GOLGB1: variants seen among roughly 807,000 people sequenced by gnomAD.
GOLGB1 encodes golgin subfamily B member 1.
In GOLGB1, 174 loss-of-function variants were observed where a neutral mutation model predicts 336.9. The observed-to-expected ratio is 0.52, with a 90% CI of 0.46 to 0.59. GOLGB1 has a LOEUF of 0.59. Among genes scored for constraint, GOLGB1 ranks in the 20% least tolerant of loss-of-function variants. The pLI is 0.00. For missense variants in GOLGB1, 3,331 were observed against 3,645.3 expected, an observed-to-expected ratio of 0.91 and a Z score of 2.22; for synonymous variants, 1,208 against 1,289.2, an observed-to-expected ratio of 0.94 and a Z score of 1.35.
At chr3:121,683,387 T>C (rs555036290) in intron 14 of GOLGB1, among the ~76,000 whole-genome samples, 2 of 152,280 alleles carry the variant, frequency 1.3e-5, no homozygotes, top group South Asian at 4.1e-4. Flanking sequence ...GCTTGAAGTC[T>C]TTCCCCTACT....
chr3:121,714,523 A>T (rs936179391), intron 10 of GOLGB1, among the ~76,000 whole-genome samples: 2 of 151,772 alleles, frequency 1.3e-5, no homozygotes, highest in African/African-American at 4.8e-5. Context: ...ATCTTAGTTT[A>T]CCAAAAAAAA....
intron 14 of GOLGB1, among the ~76,000 whole-genome samples, chr3:121,682,602 A>G (rs532292133): frequency 2.6e-5 from 4 of 152,212 alleles, no homozygotes; most frequent in Non-Finnish European, 5.9e-5. Context: ...CATTTCAGAT[A>G]TATTTTCAAC....
chr3:121,665,075 G>T, intron 20 of GOLGB1, 44 bp from the exon 21 acceptor site: 1 of 1,082,422 alleles, frequency 9.2e-7, no homozygotes. Context: ...TTCATAGCAT[G>T]AGAGGCTGAT....
intron 17 of GOLGB1, among the ~76,000 whole-genome samples, chr3:121,671,879 C>T (rs948023974): frequency 1.6e-4 from 24 of 151,430 alleles, no homozygotes; most frequent in Admixed American, 7.2e-4. Context: ...TGCTCCCACA[C>T]GAGTGAGAAT....
At chr3:121,728,308 A>G (rs1945825111) in intron 4 of GOLGB1, among the ~76,000 whole-genome samples, 1 of 152,230 alleles carries the variant, frequency 6.6e-6, no homozygotes. Context: ...TAGCGATCCC[A>G]AAGGTTGTGC....
At chr3:121,708,537 G>A (rs1944082050) in intron 10 of GOLGB1, among the ~76,000 whole-genome samples, 1 of 152,126 alleles carries the variant, frequency 6.6e-6, no homozygotes, top group Non-Finnish European at 1.5e-5. Context: ...GGAGGCTGAG[G>A]TGAGAGGATT....
chr3:121,727,303 TATATATATATATATA>T (rs1560307442), intron 4 of GOLGB1, among the ~76,000 whole-genome samples: 10 of 29,856 alleles, frequency 3.3e-4, no homozygotes, highest in Non-Finnish European at 7.3e-4. Flanking sequence ...CATATATATA[TATATATATATATATA>T]TATTTTTTTT....
intron 14 of GOLGB1, among the ~76,000 whole-genome samples, chr3:121,686,918 G>A (rs941082038): frequency 7.2e-5 from 11 of 152,146 alleles, no homozygotes; most frequent in African/African-American, 2.7e-4. Flanking sequence ...AGATCAGTTT[G>A]GTGTGAATGA....
chr3:121,717,834 AT>A (rs1327044745), intron 8 of GOLGB1, among the ~76,000 whole-genome samples: 1 of 152,152 alleles, frequency 6.6e-6, no homozygotes, highest in Non-Finnish European at 1.5e-5. Context: ...TTAGTTTTCC[AT>A]TTTTTTCAGA....
intron 14 of GOLGB1, among the ~76,000 whole-genome samples, chr3:121,684,297 T>TAAA (rs1941489563): frequency 7.5e-6 from 1 of 134,162 alleles, no homozygotes. Context: ...AAGGGAAAAG[T>TAAA]TAAGAAAATT....
rs755785398 is a variant in GOLGB1 at position 121,696,023 on chromosome 3, T to C, written c.4500A>G (p.Ala1500=). Residue 1500 remains alanine (A), a synonymous_variant, in exon 13 of 22, where the codon GCA becomes GCG. Transcript: ENST00000614479. ...CTTGGAGACTTTTGTTTTCTTTTAG[T>C]GCTTCTTTTCGGGAAATAAGGGCAG... The part of the protein sequence containing the change: ...LQAALISRKE[A]LKENKSLQEE... 1.9e-6 allele frequency: 3 copies of C among 1,614,062 alleles called. No homozygotes were observed. The highest frequency in any genetic ancestry group is 1.3e-5 in the African/African-American group (1 of 74,936).
chr3:121,733,276 T>C (rs1946245597), intron 1 of GOLGB1, among the ~76,000 whole-genome samples: 1 of 137,092 alleles, frequency 7.3e-6, no homozygotes, highest in Non-Finnish European at 1.6e-5. Flanking sequence ...TGAGCCTAGA[T>C]TGCTCCGTCT....
At chr3:121,688,323 T>C (rs945056030) in intron 14 of GOLGB1, among the ~76,000 whole-genome samples, 10 of 152,316 alleles carry the variant, frequency 6.6e-5, no homozygotes, top group East Asian at 1.9e-4. Context: ...GTGCCTGCGA[T>C]TGCAGGCGCG....
chr3:121,685,413 T>C (rs1032474631), intron 14 of GOLGB1, among the ~76,000 whole-genome samples: 4 of 152,048 alleles, frequency 2.6e-5, no homozygotes, highest in African/African-American at 9.7e-5. Flanking sequence ...CGTGCACCTG[T>C]AGTCCCAGCT....
Position 121,677,324 on chromosome 3 carries a change from G to A in GOLGB1, c.9000C>T (p.Ser3000=). The part of the protein sequence containing the change: ...QNLIRELRSS[S]SQTQPLKVQY... ...GCACTTTGAGAGGCTGAGTCTGGGA[G>A]GAAGAAGACCTCAATTCCCTTATAA... The change falls in exon 16 of 22, where the codon TCC becomes TCT. Residue 3000 remains serine (S), a synonymous_variant. Transcript: ENST00000614479. 1 of 1,611,678 alleles carries A rather than the reference G, an allele frequency of 6.2e-7. No individual in the cohort carries two copies.
At chr3:121,677,064 C>T in intron 16 of GOLGB1, 34 bp from the exon 17 acceptor site, 1 of 1,613,074 alleles carries the variant, frequency 6.2e-7, no homozygotes, top group Non-Finnish European at 8.5e-7. Context: ...AGATTCTCTC[C>T]TAAGATTGCG....
Position 121,693,946 on chromosome 3 carries a change from C to T in GOLGB1, c.6577G>A (p.Ala2193Thr), listed in dbSNP as rs760472957. ...GAAGACATGCTCTTAGTAAAGGCTG[C>T]AAGCTGGGTCACAGTACTGTCCAAG... ...ENLDSTVTQLAAFTKSMSSLQ... is the reference protein window; with the variant it reads ...ENLDSTVTQLTAFTKSMSSLQ... The change falls in exon 13 of 22, where the codon GCA becomes ACA. Residue 2193 changes from alanine (A) to threonine (T), a missense_variant. Ala to Thr is a moderately conservative substitution (Grantham distance 58). Transcript: ENST00000614479. 6.2e-7 allele frequency: 1 copy of T among 1,614,064 alleles called. No individual in the cohort carries two copies. The highest frequency in any genetic ancestry group is 1.1e-5 in the South Asian group (1 of 91,080).
At chr3:121,726,079 C>T (rs545774880) in intron 5 of GOLGB1, among the ~76,000 whole-genome samples, 1 of 150,138 alleles carries the variant, frequency 6.7e-6, no homozygotes, top group East Asian at 1.9e-4. Flanking sequence ...CATACCAGAG[C>T]CACACTAAAA....
intron 1 of GOLGB1, among the ~76,000 whole-genome samples, chr3:121,747,899 G>GAGGC (rs1267668586): frequency 6.6e-6 from 1 of 152,186 alleles, no homozygotes; most frequent in East Asian, 1.9e-4. Flanking sequence ...CAGCAATATA[G>GAGGC]AGCTTAGTCT....
Sources: allele counts gnomAD v4.1 joint callset (sites outside exome capture counted in the v4.1 genomes callset), GRCh38; gene constraint gnomAD v4.1.1; transcripts MANE v1.5; gene names NCBI Gene and HGNC (gene_info 2026-07-23, HGNC 2026-07-21).